ROBO1: variants seen among roughly 807,000 people sequenced by gnomAD.
ROBO1 encodes the protein roundabout homolog 1.
A neutral mutation model predicts 195.9 loss-of-function variants in ROBO1; 149 were observed. That is an observed-to-expected ratio of 0.76 (90% CI 0.67 to 0.87). The LOEUF (loss-of-function observed/expected upper bound fraction) is 0.87, where lower values mean the gene tolerates loss of function less well. Among genes scored for constraint, ROBO1 ranks in the 40% least tolerant of loss-of-function variants. The probability of loss-of-function intolerance (pLI) is 0.00; values close to 1 mark genes in which losing one functional copy is unlikely to be tolerated. For synonymous variants in ROBO1, 816 were observed against 733.2 expected (o/e 1.11, Z -1.82); for missense variants, 1,933 against 2,068.3 (o/e 0.93, Z 1.27).
At chr3:79,621,022 T>C (rs9875835) in intron 1 of ROBO1, among the ~76,000 whole-genome samples, 133,578 of 152,030 alleles carry the variant, frequency 0.88, 58,791 homozygotes, top group African/African-American at 0.92. Flanking sequence ...ATCCTCAATA[T>C]CTCCCTCCAG....
intron 1 of ROBO1, among the ~76,000 whole-genome samples, chr3:79,693,929 A>AT (rs1031822099): frequency 6.6e-6 from 1 of 151,710 alleles, no homozygotes; most frequent in Non-Finnish European, 1.5e-5. Flanking sequence ...ATTATATTAT[A>AT]TTTTTTCAAA....
At chr3:78,990,185 T>C (rs2108050646) in intron 3 of ROBO1, among the ~76,000 whole-genome samples, 1 of 152,318 alleles carries the variant, frequency 6.6e-6, no homozygotes, top group Non-Finnish European at 1.5e-5. Flanking sequence ...AGATTTTGTT[T>C]CCCCCTTGGT....
chr3:79,201,094 C>T (rs1451244362), intron 2 of ROBO1, among the ~76,000 whole-genome samples: 1 of 151,928 alleles, frequency 6.6e-6, no homozygotes, highest in Non-Finnish European at 1.5e-5. Flanking sequence ...TTATTCTTCT[C>T]ATCCTCATTC....
At chr3:78,809,818 C>T (rs1183806526) in intron 4 of ROBO1, among the ~76,000 whole-genome samples, 1 of 152,032 alleles carries the variant, frequency 6.6e-6, no homozygotes. Context: ...GGGAGGGGAA[C>T]ATCACACACC....
intron 2 of ROBO1, among the ~76,000 whole-genome samples, chr3:79,277,799 A>AC (rs398106080): frequency 6.0e-5 from 9 of 148,878 alleles, no homozygotes; most frequent in Non-Finnish European, 1.3e-4. Context: ...ATAAAAAAAA[A>AC]CACACACTTG....
intron 3 of ROBO1, among the ~76,000 whole-genome samples, chr3:79,023,110 C>T (rs1227360537): frequency 1.3e-5 from 2 of 151,948 alleles, no homozygotes; most frequent in Non-Finnish European, 2.9e-5. Context: ...AGAATCAGAC[C>T]GACCCTGGGA....
chr3:78,771,297 A>G (rs2083369183), intron 4 of ROBO1, among the ~76,000 whole-genome samples: 1 of 152,162 alleles, frequency 6.6e-6, no homozygotes, highest in African/African-American at 2.4e-5. Context: ...TGGTTACCAC[A>G]GCCTTATTGT....
intron 2 of ROBO1, among the ~76,000 whole-genome samples, chr3:79,300,690 G>A (rs1266615125): frequency 2.0e-5 from 3 of 152,208 alleles, no homozygotes; most frequent in Non-Finnish European, 4.4e-5. Flanking sequence ...TGAGTCTGGT[G>A]GGGAGGTGGA....
intron 2 of ROBO1, among the ~76,000 whole-genome samples, chr3:79,165,473 CAGA>C (rs749720125): frequency 1.1e-4 from 16 of 152,136 alleles, no homozygotes; most frequent in Admixed American, 2.6e-4. Flanking sequence ...CATTATTTGT[CAGA>C]AGGAGATTGT....
chr3:79,372,923 T>C (rs1465747277), intron 2 of ROBO1, among the ~76,000 whole-genome samples: 1 of 152,150 alleles, frequency 6.6e-6, no homozygotes, highest in Non-Finnish European at 1.5e-5. Flanking sequence ...TTTTTTATTT[T>C]AGTTTCGGGG....
chr3:78,939,170 C>G (rs1299927785), intron 3 of ROBO1, among the ~76,000 whole-genome samples: 1 of 152,138 alleles, frequency 6.6e-6, no homozygotes, highest in Non-Finnish European at 1.5e-5. Flanking sequence ...ATCCTGTCCT[C>G]AAATCCCTCA....
chr3:79,344,930 C>T (rs2035052931), intron 2 of ROBO1, among the ~76,000 whole-genome samples: 1 of 151,902 alleles, frequency 6.6e-6, no homozygotes, highest in African/African-American at 2.4e-5. Context: ...ACTTTTCTCT[C>T]CTGCTGCCAT....
intron 4 of ROBO1, among the ~76,000 whole-genome samples, chr3:78,853,166 T>C (rs1321670170): frequency 6.6e-6 from 1 of 151,770 alleles, no homozygotes; most frequent in Non-Finnish European, 1.5e-5. Flanking sequence ...ATCAGTTATA[T>C]AAGTGGTTTG....
chr3:79,210,847 TA>T (rs1320056823), intron 2 of ROBO1, among the ~76,000 whole-genome samples: 26 of 152,258 alleles, frequency 1.7e-4, no homozygotes, highest in African/African-American at 6.3e-4. Context: ...CTTGTAAACA[TA>T]ATATATAAGA....
intron 2 of ROBO1, among the ~76,000 whole-genome samples, chr3:79,233,158 T>A (rs1486989887): frequency 6.6e-6 from 1 of 151,968 alleles, no homozygotes; most frequent in South Asian, 2.1e-4. Context: ...TTAAGAGGAA[T>A]GGAGAAAGAT....
intron 1 of ROBO1, among the ~76,000 whole-genome samples, chr3:79,646,908 G>C (rs553048044): frequency 3.9e-5 from 6 of 152,136 alleles, no homozygotes; most frequent in African/African-American, 1.4e-4. Flanking sequence ...GTCTGAGAAG[G>C]CTAAGAGGGA....
At chr3:78,768,459 G>A (rs2083283832) in intron 4 of ROBO1, among the ~76,000 whole-genome samples, 1 of 151,520 alleles carries the variant, frequency 6.6e-6, no homozygotes, top group Non-Finnish European at 1.5e-5. Flanking sequence ...GAATAGTAGA[G>A]ACAGAAAAAG....
chr3:79,378,201 TTCTC>T (rs979258211), intron 2 of ROBO1, among the ~76,000 whole-genome samples: 4 of 149,366 alleles, frequency 2.7e-5, no homozygotes, highest in Non-Finnish European at 6.0e-5. Flanking sequence ...CTCTCTCTCT[TTCTC>T]TCTCTCTCTG....
In ROBO1 at chr3:79,559,841, C is replaced by A. The variant is rs146588033; in HGVS notation, c.88+29983G>T. Among the ~76,000 whole-genome samples the A allele has an allele frequency of 3.3e-5, 5 of 152,108 alleles. No homozygotes were observed. The East Asian group carries it at 7.8e-4, about 24-fold the overall frequency. ...CTGAGGCAGGAGAATTGCTTGAACC[C>A]GGGAGGTGGAGGTTTCAGTGAGCTG... On this transcript the variant is annotated intron_variant, in intron 2 of 30. Coordinates refer to ENST00000464233, the MANE Select transcript of ROBO1 (RefSeq NM_002941.4).
Sources: gnomAD v4.1 joint callset for allele counts (sites outside exome capture counted in the v4.1 genomes callset) on GRCh38, gnomAD v4.1.1 for gene constraint, MANE v1.5 for transcripts, NCBI Gene and HGNC (gene_info 2026-07-23, HGNC 2026-07-21) for gene names.